UHRF2: variants seen among roughly 807,000 people sequenced by gnomAD.
UHRF2 encodes the protein E3 ubiquitin-protein ligase UHRF2.
UHRF2 carries 23 observed loss-of-function variants against 96.8 expected under a neutral mutation model. The ratio of observed to expected loss-of-function variants is 0.24; its 90% CI spans 0.17 to 0.34. UHRF2 has a LOEUF of 0.34. Ranked by LOEUF, UHRF2 falls within the 10% of genes least tolerant of loss-of-function variation. UHRF2 has a pLI of 1.00. For synonymous variants in UHRF2, 385 were observed against 332.6 expected, an observed-to-expected ratio of 1.16 and a Z score of -1.72; for missense variants, 685 against 981.5, an observed-to-expected ratio of 0.70 and a Z score of 4.04.
intron 6 of UHRF2, among the ~76,000 whole-genome samples, chr9:6,480,533 A>C (rs935192526): frequency 6.6e-6 from 1 of 152,200 alleles, no homozygotes; most frequent in African/African-American, 2.4e-5. Flanking sequence ...CTTTCGCTTC[A>C]CCTGAAACTC....
intron 2 of UHRF2, among the ~76,000 whole-genome samples, chr9:6,428,009 A>G (rs1315521237): frequency 1.3e-5 from 2 of 152,202 alleles, no homozygotes; most frequent in African/African-American, 2.4e-5. Flanking sequence ...TGCCAGAAAG[A>G]TCGTACTTTC....
At chr9:6,464,328 G>T (rs1277241977) in intron 4 of UHRF2, among the ~76,000 whole-genome samples, 3 of 152,272 alleles carry the variant, frequency 2.0e-5, no homozygotes, top group Non-Finnish European at 2.9e-5. Context: ...TAATTACGGA[G>T]ACTAGACTAT....
intron 4 of UHRF2, chr9:6,468,539 A>G (rs1027002492): frequency 1.8e-5 from 8 of 455,988 alleles, no homozygotes; most frequent in Admixed American, 2.3e-5. Context: ...GGAATCTGCT[A>G]ATTCTGGATG....
At chr9:6,472,857 G>T (rs976843467) in intron 4 of UHRF2, among the ~76,000 whole-genome samples, 2 of 152,108 alleles carry the variant, frequency 1.3e-5, no homozygotes, top group Non-Finnish European at 2.9e-5. Flanking sequence ...GATTTTTCTG[G>T]TTGGGGGAAA....
intron 14 of UHRF2, among the ~76,000 whole-genome samples, chr9:6,503,251 C>T (rs1236104713): frequency 1.3e-5 from 2 of 152,230 alleles, no homozygotes; most frequent in African/African-American, 4.8e-5. Flanking sequence ...CCGCCTCAGC[C>T]TCCCAGAGTA....
Position 6,505,563 on chromosome 9 carries a change from C to T in UHRF2, c.2263-470C>T, listed in dbSNP as rs979588135. ...CCACCTGCCTCAGCCTCCCAGAGTA[C>T]TGGGATAACAGGCATGAGCCACCAT... On this transcript the variant is annotated intron_variant, in intron 15 of 15. Coordinates refer to ENST00000276893, the MANE Select transcript of UHRF2 (RefSeq NM_152896.3). 9.9e-5 allele frequency among the ~76,000 whole-genome samples: 15 copies of T among 152,210 alleles called. No homozygotes were observed. The South Asian group carries it at 3.1e-3, about 31-fold the overall frequency.
chr9:6,472,781 C>A (rs749498581), intron 4 of UHRF2, among the ~76,000 whole-genome samples: 4 of 151,994 alleles, frequency 2.6e-5, no homozygotes, highest in Non-Finnish European at 5.9e-5. Context: ...CAATGTCTTG[C>A]GTGTAATGTG....
intron 5 of UHRF2, among the ~76,000 whole-genome samples, chr9:6,476,651 G>A (rs1027694454): frequency 2.6e-5 from 4 of 152,250 alleles, no homozygotes; most frequent in Admixed American, 2.6e-4. Flanking sequence ...CTGGAGTGCA[G>A]TGGCGCAATC....
At chr9:6,429,954 T>C (rs1334624293) in intron 2 of UHRF2, among the ~76,000 whole-genome samples, 1 of 152,196 alleles carries the variant, frequency 6.6e-6, no homozygotes, top group Non-Finnish European at 1.5e-5. Flanking sequence ...GCCCCTTGCC[T>C]CCCATACTTC....
intron 2 of UHRF2, among the ~76,000 whole-genome samples, chr9:6,423,977 T>G (rs1473621987): frequency 6.9e-6 from 1 of 144,806 alleles, no homozygotes; most frequent in Non-Finnish European, 1.5e-5. Context: ...AAGGAACTCT[T>G]GATAAGAGGA....
At chr9:6,454,612 C>G (rs550812249) in intron 3 of UHRF2, among the ~76,000 whole-genome samples, 1 of 151,570 alleles carries the variant, frequency 6.6e-6, no homozygotes, top group East Asian at 2.0e-4. Context: ...TCTATTTAAT[C>G]GAAATGAGTT....
intron 3 of UHRF2, among the ~76,000 whole-genome samples, chr9:6,458,298 C>G (rs1174951635): frequency 6.6e-6 from 1 of 151,958 alleles, no homozygotes; most frequent in Non-Finnish European, 1.5e-5. Context: ...GTGTAGTATT[C>G]TCTGATGGTA....
intron 10 of UHRF2, chr9:6,496,293 C>T (rs936277972): frequency 5.9e-5 from 9 of 152,024 alleles, no homozygotes; most frequent in African/African-American, 2.2e-4. Context: ...GTTTTCTTTT[C>T]ACTTAAGACG....
chr9:6,423,581 CAT>C (rs914608321), intron 2 of UHRF2, among the ~76,000 whole-genome samples: 7 of 150,788 alleles, frequency 4.6e-5, no homozygotes, highest in African/African-American at 1.7e-4. Flanking sequence ...CCAAAGAAAA[CAT>C]ATTAATTTAA....
At chr9:6,487,267 G>A (rs1824357516) in intron 9 of UHRF2, among the ~76,000 whole-genome samples, 1 of 129,118 alleles carries the variant, frequency 7.7e-6, no homozygotes, top group African/African-American at 3.0e-5. Context: ...TCAGCTCCCT[G>A]CAACCTCTGC....
At position 6,505,983 on chromosome 9, in the gene UHRF2, T is replaced by C. The variant is rs148011842; in HGVS notation, c.2263-50T>C. The C allele has an allele frequency of 3.7e-4, 601 of 1,603,846 alleles. 5 individuals carry two copies. In the African/African-American group the frequency reaches 7.3e-3, roughly 20 times the overall value. On this transcript the variant is annotated intron_variant, in intron 15 of 15. Coordinates refer to ENST00000276893, the MANE Select transcript of UHRF2 (RefSeq NM_152896.3). ...TTTAAAAGCATAAGTTGCTGAGTAC[T>C]TACATGCTTTATGCTCAGATTAAAT...
chr9:6,421,952 A>AT (rs907799069), intron 2 of UHRF2, among the ~76,000 whole-genome samples: 4 of 152,128 alleles, frequency 2.6e-5, no homozygotes, highest in African/African-American at 9.7e-5. Context: ...CCTTTTCACT[A>AT]TTATGTCATT....
intron 3 of UHRF2, among the ~76,000 whole-genome samples, chr9:6,453,087 T>C (rs754843733): frequency 2.0e-5 from 3 of 152,226 alleles, no homozygotes; most frequent in Non-Finnish European, 4.4e-5. Flanking sequence ...GACTTAACTA[T>C]GTATGTGTAT....
intron 3 of UHRF2, among the ~76,000 whole-genome samples, chr9:6,453,013 A>T (rs1352644535): frequency 6.6e-6 from 1 of 152,050 alleles, no homozygotes; most frequent in Non-Finnish European, 1.5e-5. Flanking sequence ...CTAGCAATTG[A>T]CTTACTGTCT....
Sources: gnomAD v4.1 joint callset for allele counts (sites outside exome capture counted in the v4.1 genomes callset) on GRCh38, gnomAD v4.1.1 for gene constraint, MANE v1.5 for transcripts, NCBI Gene and HGNC (gene_info 2026-07-23, HGNC 2026-07-21) for gene names.